Variants in NTRK2 observed in about 807,000 individuals in gnomAD.
The protein encoded by NTRK2 is neurotrophic receptor tyrosine kinase 2, also known as BDNF/NT-3 growth factors receptor.
NTRK2 carries 13 observed loss-of-function variants against 94.5 expected under a neutral mutation model. The observed-to-expected ratio is 0.14, with a 90% CI of 0.09 to 0.22. The LOEUF (loss-of-function observed/expected upper bound fraction) is 0.22. Ranked by LOEUF, NTRK2 falls within the 10% of genes least tolerant of loss-of-function variation. NTRK2 has a pLI of 1.00. For synonymous variants in NTRK2, 372 were observed against 407.4 expected, an observed-to-expected ratio of 0.91 and a Z score of 1.05; for missense variants, 639 against 1,071.2, an observed-to-expected ratio of 0.60 and a Z score of 5.63.
chr9:84,737,723 G>A (rs1460364580), intron 9 of NTRK2, among the ~76,000 whole-genome samples: 1 of 147,846 alleles, frequency 6.8e-6, no homozygotes, highest in African/African-American at 2.7e-5. Context: ...TGAGGATGGG[G>A]ATGTGACTGA....
chr9:84,728,155 C>T (rs188206785), intron 9 of NTRK2, among the ~76,000 whole-genome samples, 196 bp downstream of exon 9: 42 of 152,262 alleles, frequency 2.8e-4, no homozygotes, highest in African/African-American at 8.2e-4. Flanking sequence ...GGTCATGAAG[C>T]AGCAGCTACA....
intron 14 of NTRK2, among the ~76,000 whole-genome samples, chr9:84,913,331 C>G (rs1036446628): frequency 2.6e-5 from 4 of 152,028 alleles, no homozygotes; most frequent in African/African-American, 9.7e-5. Flanking sequence ...AGTGTGGAAG[C>G]CTTAATCATC....
At chr9:84,949,445 GATTTATTT>G (rs71959281) in intron 16 of NTRK2, among the ~76,000 whole-genome samples, 94,891 of 147,674 alleles carry the variant, frequency 0.64, 32,425 homozygotes, top group Non-Finnish European at 0.77. Flanking sequence ...GATTGGTTGG[GATTTATTT>G]ATTTATTTAT....
chr9:85,014,171 G>A (rs1440748484), intron 17 of NTRK2, among the ~76,000 whole-genome samples: 1 of 152,170 alleles, frequency 6.6e-6, no homozygotes, highest in Non-Finnish European at 1.5e-5. Flanking sequence ...GATTTGAGAG[G>A]AGATTCATAG....
At chr9:84,991,567 C>A (rs1268759026) in intron 17 of NTRK2, among the ~76,000 whole-genome samples, 1 of 152,158 alleles carries the variant, frequency 6.6e-6, no homozygotes, top group Admixed American at 6.5e-5. Context: ...CCCTTTGAGC[C>A]CTTCTTCTTT....
intron 12 of NTRK2, among the ~76,000 whole-genome samples, chr9:84,852,628 C>A (rs979527635): frequency 6.6e-5 from 10 of 152,154 alleles, no homozygotes; most frequent in Non-Finnish European, 1.3e-4. Flanking sequence ...AAGAAAAAAT[C>A]TTTCTGGAAT....
chr9:84,685,250 T>A (rs1269174652), intron 2 of NTRK2, among the ~76,000 whole-genome samples: 1 of 152,186 alleles, frequency 6.6e-6, no homozygotes, highest in Non-Finnish European at 1.5e-5. Context: ...AATAGCAATT[T>A]GGTTCTGTGG....
At chr9:84,846,594 C>A (rs77869224) in intron 12 of NTRK2, among the ~76,000 whole-genome samples, 7,654 of 152,286 alleles carry the variant, frequency 0.05, 432 homozygotes, top group East Asian at 0.18. Context: ...AGTGATAAAT[C>A]ATTTTCCAGC....
intron 17 of NTRK2, among the ~76,000 whole-genome samples, chr9:84,987,133 A>T (rs1381656503): frequency 6.6e-6 from 1 of 152,226 alleles, no homozygotes; most frequent in Non-Finnish European, 1.5e-5. Context: ...TGTCAGGGTG[A>T]AAAGAATTTG....
intron 12 of NTRK2, among the ~76,000 whole-genome samples, chr9:84,837,398 C>A (rs2073940654): frequency 6.6e-6 from 1 of 152,150 alleles, no homozygotes; most frequent in African/African-American, 2.4e-5. Flanking sequence ...GGTAAACTTA[C>A]ACTAATGGTC....
chr9:84,976,485 A>G (rs962843809), intron 17 of NTRK2, among the ~76,000 whole-genome samples: 2 of 152,192 alleles, frequency 1.3e-5, no homozygotes, highest in Non-Finnish European at 2.9e-5. Context: ...ACCAAGTAAC[A>G]ATTTAGAGTC....
At chr9:84,859,505 G>A (rs7859023) in intron 12 of NTRK2, among the ~76,000 whole-genome samples, 132,174 of 152,178 alleles carry the variant, frequency 0.87, 57,648 homozygotes, top group African/African-American at 0.95. Flanking sequence ...AGCACTTAAG[G>A]TGTGTAAAGA....
intron 12 of NTRK2, among the ~76,000 whole-genome samples, chr9:84,844,743 C>A (rs1261701248): frequency 1.3e-5 from 2 of 151,528 alleles, no homozygotes; most frequent in South Asian, 4.2e-4. Flanking sequence ...CTATTGGCTT[C>A]TATTCGTTTC....
chr9:84,864,736 CTTTTTTTTT>C (rs71369154), intron 13 of NTRK2, among the ~76,000 whole-genome samples: 3 of 104,604 alleles, frequency 2.9e-5, no homozygotes, highest in Admixed American at 1.2e-4. Flanking sequence ...TCTTAATTTT[CTTTTTTTTT>C]TTTTTTTTTT....
chr9:84,939,133 G>T (rs1284569035), intron 15 of NTRK2, among the ~76,000 whole-genome samples: 1 of 150,380 alleles, frequency 6.6e-6, no homozygotes, highest in Non-Finnish European at 1.5e-5. Flanking sequence ...ATAATTTGAT[G>T]ATCTATTGAT....
chr9:85,012,410 G>A (rs1588184966), intron 17 of NTRK2, among the ~76,000 whole-genome samples: 1 of 152,064 alleles, frequency 6.6e-6, no homozygotes, highest in Admixed American at 6.6e-5. Flanking sequence ...CCACAACCAC[G>A]ACATAGAACA....
At chr9:84,768,771 A>G (rs941197015) in intron 12 of NTRK2, among the ~76,000 whole-genome samples, 2 of 152,142 alleles carry the variant, frequency 1.3e-5, no homozygotes, top group Non-Finnish European at 2.9e-5. Context: ...TACAGCATGG[A>G]CATGTGGGAA....
chr9:84,676,432 C>G (rs981770199), intron 2 of NTRK2, among the ~76,000 whole-genome samples: 1 of 152,166 alleles, frequency 6.6e-6, no homozygotes, highest in African/African-American at 2.4e-5. Context: ...GAGCTGCTAA[C>G]AAGGCTAGTG....
intron 2 of NTRK2, among the ~76,000 whole-genome samples, chr9:84,674,239 G>A (rs1424671781): frequency 6.6e-6 from 1 of 152,142 alleles, no homozygotes; most frequent in Non-Finnish European, 1.5e-5. Flanking sequence ...AAGACTAATA[G>A]GGATCTTTTT....
Sources: gnomAD v4.1 joint callset for allele counts (sites outside exome capture counted in the v4.1 genomes callset) on GRCh38, gnomAD v4.1.1 for gene constraint, MANE v1.5 for transcripts, NCBI Gene and HGNC (gene_info 2026-07-23, HGNC 2026-07-21) for gene names.